Variants in ACADSB observed in about 807,000 individuals in gnomAD.
ACADSB encodes short/branched chain specific acyl-CoA dehydrogenase, mitochondrial.
Under a neutral mutation model 54.1 loss-of-function variants are expected in ACADSB, and 40 were observed. The ratio of observed to expected loss-of-function variants is 0.74; its 90% CI spans 0.57 to 0.96. The LOEUF (loss-of-function observed/expected upper bound fraction) is 0.96. ACADSB is among the 40% of genes least tolerant of loss of function. The pLI is 0.00. For missense variants in ACADSB, 530 were observed against 510.4 expected, an observed-to-expected ratio of 1.04 and a Z score of -0.37; for synonymous variants, 182 against 182.8, an observed-to-expected ratio of 1.00 and a Z score of 0.03.
chr10:123,011,290 T>C (rs1253823213), intron 1 of ACADSB, among the ~76,000 whole-genome samples: 1 of 152,188 alleles, frequency 6.6e-6, no homozygotes, highest in Non-Finnish European at 1.5e-5. Context: ...GTAGGTATAT[T>C]AGTGGCTTCA....
chr10:123,041,713 A>G (rs1850476604), intron 5 of ACADSB, among the ~76,000 whole-genome samples: 1 of 152,202 alleles, frequency 6.6e-6, no homozygotes, highest in South Asian at 2.1e-4. Flanking sequence ...ATTCACGTGA[A>G]TAAAGTGACA....
At chr10:123,027,681 G>A (rs762660866) in intron 1 of ACADSB, 1 of 356,540 alleles carries the variant, frequency 2.8e-6, no homozygotes, top group Non-Finnish European at 5.8e-6. Context: ...AGCCAACATG[G>A]TAACCCCTTG....
chr10:123,022,785 A>T (rs951513404), intron 1 of ACADSB, among the ~76,000 whole-genome samples: 1 of 152,244 alleles, frequency 6.6e-6, no homozygotes, highest in Admixed American at 6.5e-5. Context: ...ATGGGCATTT[A>T]TACATAAGAA....
At chr10:123,034,539 C>A (rs1850371761) in intron 2 of ACADSB, 24 bp downstream of exon 2, 2 of 1,597,440 alleles carry the variant, frequency 1.3e-6, no homozygotes, top group Non-Finnish European at 1.7e-6. Context: ...TCAGTGTCAC[C>A]TTTTTCTCCC....
chr10:123,012,599 C>G (rs189674965), intron 1 of ACADSB, among the ~76,000 whole-genome samples: 96 of 152,068 alleles, frequency 6.3e-4, no homozygotes, highest in Non-Finnish European at 1.2e-3. Context: ...GTGTCACCGG[C>G]TCAGGAGTGA....
chr10:123,030,286 G>A (rs546843786), intron 1 of ACADSB, among the ~76,000 whole-genome samples: 2 of 152,294 alleles, frequency 1.3e-5, no homozygotes, highest in South Asian at 4.1e-4. Context: ...AGCACTCTGG[G>A]AGGCCGAGAT....
intron 1 of ACADSB, among the ~76,000 whole-genome samples, chr10:123,029,596 T>C (rs951919332): frequency 3.3e-5 from 5 of 152,246 alleles, no homozygotes; most frequent in African/African-American, 1.2e-4. Flanking sequence ...CTCTATACTA[T>C]ATTTTCAAGA....
chr10:123,013,558 C>T (rs182732458), intron 1 of ACADSB, among the ~76,000 whole-genome samples: 1,529 of 152,340 alleles, frequency 0.01, 14 homozygotes, highest in Middle Eastern at 0.024. Context: ...CAGGGGGTGG[C>T]GCTCGTCGGG....
intron 8 of ACADSB, among the ~76,000 whole-genome samples, chr10:123,049,567 C>G (rs1332598949): frequency 6.6e-6 from 1 of 152,118 alleles, no homozygotes; most frequent in Non-Finnish European, 1.5e-5. Context: ...AAGCCAAATT[C>G]CTAGAACAGT....
At position 123,051,205 on chromosome 10, in the gene ACADSB, AAAAAAAAG is replaced by A; in HGVS notation, c.1128+20_1128+27del. The A allele has an allele frequency of 1.5e-6, 2 of 1,377,704 alleles. No individual in the cohort carries two copies. The highest frequency in any genetic ancestry group is 1.9e-6 in the Non-Finnish European group (2 of 1,048,514). 85.3% of individuals were successfully genotyped at this position (1,377,704 alleles called of 1,614,324 possible). A position where few individuals can be genotyped will look rare whatever the true frequency, so the allele number is the denominator to read the frequency against. ...ATCAGAGGTAAAAAAAAAAAAAAAA[AAAAAAAAG>A]GAAAAAGTAATTCAGCCTTTTTTTT... On this transcript the variant is annotated intron_variant, in intron 9 of 10. Coordinates refer to ENST00000358776, the MANE Select transcript of ACADSB (RefSeq NM_001609.4).
intron 1 of ACADSB, among the ~76,000 whole-genome samples, chr10:123,022,728 A>G (rs909915896): frequency 1.6e-4 from 25 of 152,196 alleles, no homozygotes; most frequent in African/African-American, 6.0e-4. Flanking sequence ...TAGTAACCTA[A>G]AACTTTAATG....
rs1052582045 is a variant in ACADSB, at chr10:123,052,851, T to G, written c.1129-210T>G. 3.5e-5 allele frequency: 21 copies of G among 599,758 alleles called. No individual in the cohort carries two copies. The highest frequency in any genetic ancestry group is 5.4e-5 in the Non-Finnish European group (18 of 331,140). The allele number at this position is 599,758 out of a possible 1,614,324, so 37.2% of individuals were successfully genotyped here. On this transcript the variant is annotated intron_variant, in intron 9 of 10. Transcript: ENST00000358776. This position sits in a 1 kb window ranked among gnomAD's most constrained non-coding sequence, Gnocchi z 4.2. ...TCATGTGAACAATGCTCTAATTTCT[T>G]AAGAAAATGGGGATTCTGTGAATTA...
chr10:123,045,171 A>ATTTT (rs1181095508), intron 7 of ACADSB, among the ~76,000 whole-genome samples: 2 of 15,370 alleles, frequency 1.3e-4, no homozygotes, highest in East Asian at 3.1e-3. Context: ...ATATATATAT[A>ATTTT]TTTTTTTTTT....
In ACADSB at chr10:123,040,531, C is replaced by T. The variant is rs111902243; in HGVS notation, c.369C>T (p.Leu123=). The change falls in exon 4 of 11, where the codon CTC becomes CTT. Residue 123 remains leucine (L), a synonymous_variant. Transcript: ENST00000358776. ...GAGCTTCATTTTTATCCACTGTGCT[C>T]GTGATAGAGGAATTAGCCAAAGTTG... ...GTGASFLSTV[L]VIEELAKVDA... 6.3e-5 allele frequency: 101 copies of T among 1,613,916 alleles called. No individual in the cohort carries two copies. Among genetic ancestry groups the T allele is most frequent in the African/African-American group, 4.5e-4 (34 of 74,966 alleles).
chr10:123,034,314 A>G (rs1383070053), intron 1 of ACADSB, 42 bp from the exon 2 acceptor site: 4 of 1,594,150 alleles, frequency 2.5e-6, no homozygotes, highest in South Asian at 2.2e-5. Flanking sequence ...AAAGAAAATG[A>G]TATTCAAGTA....
Position 123,044,457 on chromosome 10 carries a change from A to G in ACADSB, c.872A>G (p.Asn291Ser), listed in dbSNP as rs754840743. The stretch of plus-strand genomic sequence containing the variant: ...TATAAGTATGCCATAGGGAGTCTCA[A>G]TGAAGGTAGAATAGGAATTGCTGCA... The part of the protein sequence containing the change: ...HGYKYAIGSL[N>S]EGRIGIAAQM... Residue 291 changes from asparagine to serine, a missense_variant, in exon 7 of 11, where the codon AAT (asparagine) becomes AGT (serine). Physicochemically the swap from Asn to Ser is conservative, Grantham distance 46 (BLOSUM62 1). Transcript: ENST00000358776. 3.1e-6 allele frequency: 5 copies of G among 1,613,810 alleles called. No homozygotes were observed. The highest frequency in any genetic ancestry group is 1.3e-5 in the African/African-American group (1 of 75,052).
chr10:123,013,031 C>T (rs1423334912), intron 1 of ACADSB, among the ~76,000 whole-genome samples: 1 of 152,088 alleles, frequency 6.6e-6, no homozygotes, highest in East Asian at 1.9e-4. Flanking sequence ...GAACTAGACA[C>T]AGAGTGCGGA....
In ACADSB at chr10:123,054,767, A is replaced by G. The variant is rs1368717567; in HGVS notation, c.*1002A>G. The G allele has an allele frequency of 1.3e-5, 2 of 152,228 alleles. No homozygotes were observed. Among genetic ancestry groups the G allele is most frequent in the Non-Finnish European group, 2.9e-5 (2 of 68,030 alleles). The allele number at this position is 152,228 out of a possible 1,614,324, so 9.4% of individuals were successfully genotyped here. On this transcript the variant is annotated 3_prime_UTR_variant, in exon 11 of 11. Coordinates refer to ENST00000358776, the MANE Select transcript of ACADSB (RefSeq NM_001609.4). ...GCATTAGTTTTCAAGTATAAGGTTT[A>G]AGTAATTTGGTTTAATAATCAGAAA...
intron 6 of ACADSB, among the ~76,000 whole-genome samples, chr10:123,044,097 G>T (rs1045859418): frequency 2.0e-5 from 3 of 152,134 alleles, no homozygotes; most frequent in Non-Finnish European, 4.4e-5. Flanking sequence ...AAGAATTGGG[G>T]GGGAAAAGTA....
Sources: gnomAD v4.1 joint callset for allele counts (sites outside exome capture counted in the v4.1 genomes callset) on GRCh38, gnomAD v4.1.1 for gene constraint, Gnocchi (gnomAD v3.1) non-coding constraint, MANE v1.5 for transcripts, NCBI Gene and HGNC (gene_info 2026-07-23, HGNC 2026-07-21) for gene names.